The following SFXN5 variants were observed in gnomAD, a reference collection of about 807,000 sequenced individuals.
SFXN5 encodes sideroflexin-5.
SFXN5 carries 43 observed loss-of-function variants against 50.2 expected under a neutral mutation model. That is an observed-to-expected ratio of 0.86 (90% CI 0.67 to 1.11). The LOEUF (loss-of-function observed/expected upper bound fraction) is 1.11. SFXN5 is among the 50% of genes least tolerant of loss of function. The probability of loss-of-function intolerance (pLI) is 0.00; values close to 1 mark genes in which losing one functional copy is unlikely to be tolerated. For synonymous variants in SFXN5, 203 were observed against 185.8 expected, an observed-to-expected ratio of 1.09 and a Z score of -0.75; for missense variants, 463 against 454.1, an observed-to-expected ratio of 1.02 and a Z score of -0.18.
intron 3 of SFXN5, among the ~76,000 whole-genome samples, chr2:73,024,158 G>T (rs1262962262): frequency 6.6e-6 from 1 of 151,912 alleles, no homozygotes; most frequent in African/African-American, 2.4e-5. Context: ...TGAGTAGCTG[G>T]GATTACAGGC....
intron 9 of SFXN5, chr2:72,998,583 G>T (rs1427451164): frequency 4.2e-6 from 1 of 236,738 alleles, no homozygotes; most frequent in Non-Finnish European, 8.2e-6. Context: ...GGCAGGCCTT[G>T]CAGAGTCATT....
intron 11 of SFXN5, among the ~76,000 whole-genome samples, chr2:72,970,222 A>G (rs2105448248): frequency 6.6e-6 from 1 of 152,304 alleles, no homozygotes; most frequent in South Asian, 2.1e-4. Context: ...ATCCCCTCTC[A>G]TGATGGGCTC....
At chr2:73,015,370 A>G (rs1676021650) in intron 6 of SFXN5, among the ~76,000 whole-genome samples, 1 of 152,302 alleles carries the variant, frequency 6.6e-6, no homozygotes, top group East Asian at 1.9e-4. Flanking sequence ...TAATTTTTAC[A>G]TGTAATTTCA....
At chr2:73,064,587 C>T (rs1311249131) in intron 1 of SFXN5, among the ~76,000 whole-genome samples, 1 of 152,126 alleles carries the variant, frequency 6.6e-6, no homozygotes, top group African/African-American at 2.4e-5. Flanking sequence ...TGAGACATAT[C>T]CCCCCTGCCT....
intron 2 of SFXN5, among the ~76,000 whole-genome samples, chr2:73,047,213 A>C (rs1200566307): frequency 2.4e-5 from 2 of 84,576 alleles, no homozygotes; most frequent in East Asian, 3.4e-4. Context: ...GTGAGACTCC[A>C]TCTCGTAAAA....
intron 12 of SFXN5, among the ~76,000 whole-genome samples, chr2:72,966,233 G>A (rs1353427611): frequency 1.3e-5 from 2 of 152,170 alleles, no homozygotes; most frequent in African/African-American, 2.4e-5. Context: ...AAGTTGCTTC[G>A]CTTGACTTGT....
At chr2:73,053,388 C>G (rs1213559138) in intron 2 of SFXN5, 2 of 154,334 alleles carry the variant, frequency 1.3e-5, no homozygotes, top group Non-Finnish European at 2.9e-5. Context: ...TTCAGCTCAT[C>G]TCAGTATCAT....
rs140088200 is a variant in SFXN5 at position 73,037,235 on chromosome 2, A to G, written c.249+3619T>C. Among the ~76,000 whole-genome samples, 1,450 of 152,262 alleles carry G rather than the reference A, an allele frequency of 9.5e-3. 15 individuals carry two copies. The highest frequency in any genetic ancestry group is 0.033 in the African/African-American group (1,360 of 41,528). On this transcript the variant is annotated intron_variant, in intron 3 of 13. Transcript: ENST00000272433. The stretch of plus-strand genomic sequence containing the variant: ...GGAGAAATCTCTTCCAGATGCCCTC[A>G]GTCTGGGAGGGTCACCCCTTCCACG...
chr2:72,967,558 C>T (rs62148127), intron 12 of SFXN5, among the ~76,000 whole-genome samples: 24,722 of 152,064 alleles, frequency 0.16, 2,137 homozygotes, highest in African/African-American at 0.17. Flanking sequence ...ATTCATACTG[C>T]GGGAATAAGA....
chr2:72,947,004 T>G (rs543584640), intron 13 of SFXN5, among the ~76,000 whole-genome samples: 1 of 152,306 alleles, frequency 6.6e-6, no homozygotes, highest in East Asian at 1.9e-4. Context: ...CACCCCGTCC[T>G]ACTTCCATTC....
intron 6 of SFXN5, among the ~76,000 whole-genome samples, chr2:73,013,856 T>G (rs1444382356): frequency 6.6e-6 from 1 of 152,118 alleles, no homozygotes; most frequent in Non-Finnish European, 1.5e-5. Context: ...CCTGCTAAAT[T>G]TCATTGCTTT....
chr2:72,949,595 C>A (rs1292345409), intron 13 of SFXN5, among the ~76,000 whole-genome samples: 1 of 151,976 alleles, frequency 6.6e-6, no homozygotes, highest in Admixed American at 6.6e-5. Context: ...AGGCATGAGC[C>A]ACCGTGCCTG....
At chr2:73,012,576 G>A (rs552032542) in intron 6 of SFXN5, among the ~76,000 whole-genome samples, 73 of 150,020 alleles carry the variant, frequency 4.9e-4, no homozygotes, top group Non-Finnish European at 8.6e-4. Context: ...AAGATCTCCA[G>A]ATATGCAAAG....
chr2:73,071,604 C>T lies in SFXN5; in HGVS notation c.102G>A (p.Gln34=). The change falls in exon 1 of 14, where the codon CAG becomes CAA. Residue 34 remains glutamine, a splice_region_variant and synonymous_variant. Transcript: ENST00000272433. The part of the protein sequence containing the change: ...PFQLGKPRFQ[Q]TSFYGRFRHF... ...CCGCAGACCACAGCCCGGTCCTCAC[C>T]TGCTGGAAGCGGGGTTTGCCCAGTT... 5 of 1,613,628 alleles carry T rather than the reference C, an allele frequency of 3.1e-6. No homozygotes were observed. The highest frequency in any genetic ancestry group is 4.2e-6 in the Non-Finnish European group (5 of 1,179,800).
At chr2:73,012,991 C>T (rs1295457730) in intron 6 of SFXN5, among the ~76,000 whole-genome samples, 3 of 152,120 alleles carry the variant, frequency 2.0e-5, no homozygotes, top group Non-Finnish European at 2.9e-5. Flanking sequence ...TGCTCCCCTT[C>T]CAAACTAAAG....
intron 9 of SFXN5, among the ~76,000 whole-genome samples, chr2:72,991,527 G>A (rs759144928): frequency 2.6e-5 from 4 of 152,248 alleles, no homozygotes; most frequent in South Asian, 4.1e-4. Flanking sequence ...GCGTGGACAC[G>A]GAAAAGGCAA....
At chr2:72,983,786 C>T (rs1263162135) in intron 10 of SFXN5, among the ~76,000 whole-genome samples, 1 of 152,190 alleles carries the variant, frequency 6.6e-6, no homozygotes, top group Non-Finnish European at 1.5e-5. Context: ...CAGGACTTGG[C>T]CCTCCTTCCT....
intron 12 of SFXN5, among the ~76,000 whole-genome samples, chr2:72,968,179 T>C (rs1372651677): frequency 6.9e-6 from 1 of 143,958 alleles, no homozygotes; most frequent in Non-Finnish European, 1.5e-5. Flanking sequence ...AACTGCCAGC[T>C]CCTCAGGGGA....
intron 9 of SFXN5, chr2:72,994,954 C>G (rs1416375161): frequency 6.5e-6 from 1 of 152,684 alleles, no homozygotes; most frequent in Non-Finnish European, 1.5e-5. Context: ...GCCCCTGGCT[C>G]TCTCCATTCT....
Sources: gnomAD v4.1 joint callset for allele counts (sites outside exome capture counted in the v4.1 genomes callset) on GRCh38, gnomAD v4.1.1 for gene constraint, MANE v1.5 for transcripts, NCBI Gene and HGNC (gene_info 2026-07-23, HGNC 2026-07-21) for gene names.